The following SH3BP4 variants were observed in gnomAD, a reference collection of about 807,000 sequenced individuals.
SH3BP4 encodes SH3 domain binding protein 4.
A neutral mutation model predicts 65.5 loss-of-function variants in SH3BP4; 33 were observed. The observed-to-expected ratio is 0.50, with a 90% CI of 0.38 to 0.67. The LOEUF (loss-of-function observed/expected upper bound fraction) is 0.67. Ranked by LOEUF, SH3BP4 falls within the 30% of genes least tolerant of loss-of-function variation. The pLI, the probability that SH3BP4 is intolerant of heterozygous loss-of-function variation, is 0.00. For synonymous variants in SH3BP4, 552 were observed against 545.5 expected (o/e 1.01, Z -0.17); for missense variants, 1,134 against 1,261.4 (o/e 0.90, Z 1.53).
chr2:235,052,785 C>T lies in SH3BP4; in HGVS notation c.2667+35C>T, dbSNP rs755481646. The T allele has an allele frequency of 1.3e-6, 2 of 1,532,192 alleles. No individual in the cohort carries two copies. Among genetic ancestry groups the T allele is most frequent in the Admixed American group, 2.0e-5 (1 of 50,204 alleles). 94.9% of individuals were successfully genotyped at this position (1,532,192 alleles called of 1,614,324 possible). On this transcript the variant is annotated intron_variant, in intron 5 of 5. Transcript: ENST00000392011. The surrounding 1 kb of genome is among the most constrained non-coding windows in gnomAD (Gnocchi z 5.0). ...GGCTGAGCTTCGAGCTCACCGAGCC[C>T]CTCTGTCCCTGGGTTCCGTGGACCC...
In SH3BP4 at chr2:234,967,113, A is replaced by T. The variant is rs529456790; in HGVS notation, c.-207+14943A>T. Among the ~76,000 whole-genome samples the T allele has an allele frequency of 6.6e-6, 1 of 152,280 alleles. No homozygotes were observed. Among genetic ancestry groups the T allele is most frequent in the South Asian group, 2.1e-4 (1 of 4,822 alleles). On this transcript the variant is annotated intron_variant, in intron 1 of 5. Transcript: ENST00000392011. This position sits in a 1 kb window ranked among gnomAD's most constrained non-coding sequence, Gnocchi z 4.6. ...TACTGTCTCTGTTTAACAGATCGGGAAACTGAGGAACCATGGGGTTTAGGG... is the reference window on the plus strand; with the variant it reads ...TACTGTCTCTGTTTAACAGATCGGGTAACTGAGGAACCATGGGGTTTAGGG...
At chr2:235,027,865 T>C (rs1695051921) in intron 2 of SH3BP4, among the ~76,000 whole-genome samples, 1 of 152,192 alleles carries the variant, frequency 6.6e-6, no homozygotes, top group Non-Finnish European at 1.5e-5. Flanking sequence ...GGTTGGTTTT[T>C]CTGGATTGGT....
rs1695006268 is a variant in SH3BP4, at chr2:235,026,492, AG to A, written c.-132-8377del. Among the ~76,000 whole-genome samples, 1 of 152,094 alleles carries A rather than the reference AG, an allele frequency of 6.6e-6. No homozygotes were observed. Among genetic ancestry groups the A allele is most frequent in the Non-Finnish European group, 1.5e-5 (1 of 68,020 alleles). ...AGAACCTTAGCGCTCCTTCCCCTCC[AG>A]GTCTTCCATTCTTTTGTTGATTTGT... On this transcript the variant is annotated intron_variant, in intron 2 of 5. Transcript: ENST00000392011. The surrounding 1 kb of genome is among the most constrained non-coding windows in gnomAD (Gnocchi z 4.6).
chr2:234,985,193 TCTA>T (rs1231134014), intron 1 of SH3BP4, among the ~76,000 whole-genome samples: 1 of 152,090 alleles, frequency 6.6e-6, no homozygotes, highest in Non-Finnish European at 1.5e-5. Context: ...TGTACAAAGA[TCTA>T]CTATAGCTGG....
intron 1 of SH3BP4, among the ~76,000 whole-genome samples, chr2:234,984,389 T>C (rs1483147764): frequency 6.6e-6 from 1 of 151,738 alleles, no homozygotes; most frequent in Non-Finnish European, 1.5e-5. Context: ...TTTAACTTTT[T>C]GTAGAGACGA....
chr2:235,021,625 A>T (rs867791178), intron 2 of SH3BP4, among the ~76,000 whole-genome samples: 2 of 152,084 alleles, frequency 1.3e-5, no homozygotes, highest in African/African-American at 4.8e-5. Context: ...TCTCCAAAAA[A>T]AAAAAAAAAA....
intron 1 of SH3BP4, among the ~76,000 whole-genome samples, chr2:234,965,066 T>C (rs992432554): frequency 5.9e-5 from 9 of 152,210 alleles, no homozygotes; most frequent in African/African-American, 1.9e-4. Flanking sequence ...AAATTGTCTC[T>C]GATTAATCAC....
chr2:235,053,330 T>G (rs1696122148), intron 5 of SH3BP4, among the ~76,000 whole-genome samples: 1 of 152,160 alleles, frequency 6.6e-6, no homozygotes, highest in South Asian at 2.1e-4. Context: ...CCATAAAGAT[T>G]GTAAGGAAAG....
intron 1 of SH3BP4, among the ~76,000 whole-genome samples, chr2:234,986,779 T>C (rs1008699724): frequency 6.6e-6 from 1 of 151,876 alleles, no homozygotes; most frequent in African/African-American, 2.4e-5. Context: ...AAGTATGTTA[T>C]CAACTAGGAT....
rs193012281 is a variant in SH3BP4, at chr2:235,034,562, A to G, written c.-132-309A>G. On this transcript the variant is annotated intron_variant, in intron 2 of 5. Transcript: ENST00000392011. This position sits in a 1 kb window ranked among gnomAD's most constrained non-coding sequence, Gnocchi z 6.2. ...CTGTCCTCCTCTTTGACTGTAATGAATGGACTGGCCAGGTGCTGGAGCACA... is the reference window on the plus strand; with the variant it reads ...CTGTCCTCCTCTTTGACTGTAATGAGTGGACTGGCCAGGTGCTGGAGCACA... Among the ~76,000 whole-genome samples the G allele has an allele frequency of 1.4e-4, 21 of 152,314 alleles. 1 individual carries two copies. The East Asian group carries it at 3.7e-3, about 27-fold the overall frequency.
At chr2:234,988,031 C>T (rs183298764) in intron 1 of SH3BP4, among the ~76,000 whole-genome samples, 1 of 152,130 alleles carries the variant, frequency 6.6e-6, no homozygotes, top group African/African-American at 2.4e-5. Context: ...GCATTTTCCT[C>T]AGGTGTTTAA....
At chr2:235,029,159 G>C (rs560164317) in intron 2 of SH3BP4, among the ~76,000 whole-genome samples, 15 of 152,326 alleles carry the variant, frequency 9.8e-5, no homozygotes, top group African/African-American at 3.6e-4. Flanking sequence ...GTGCTGGGGA[G>C]AGGTCAGCCA....
chr2:235,022,055 C>A (rs891196753), intron 2 of SH3BP4, among the ~76,000 whole-genome samples: 1 of 152,064 alleles, frequency 6.6e-6, no homozygotes, highest in African/African-American at 2.4e-5. Flanking sequence ...AATTTGTCAT[C>A]AAGGGAGGCC....
At chr2:234,957,926 G>A (rs1030532972) in intron 1 of SH3BP4, among the ~76,000 whole-genome samples, 2 of 152,118 alleles carry the variant, frequency 1.3e-5, no homozygotes, top group African/African-American at 4.8e-5. Flanking sequence ...AGAGGCAGGC[G>A]GAGCCCATCT....
intron 3 of SH3BP4, among the ~76,000 whole-genome samples, chr2:235,037,683 A>G (rs1695429946): frequency 6.6e-6 from 1 of 152,140 alleles, no homozygotes; most frequent in Non-Finnish European, 1.5e-5. Context: ...TTTAGTTTTC[A>G]TCTTTATGTG....
At chr2:235,019,546 C>T (rs1051343517) in intron 2 of SH3BP4, among the ~76,000 whole-genome samples, 1 of 151,452 alleles carries the variant, frequency 6.6e-6, no homozygotes, top group Non-Finnish European at 1.5e-5. Context: ...AAGCGATTCT[C>T]CTGCCTCAGC....
Position 235,009,465 on chromosome 2 carries a change from C to T in SH3BP4, c.-133+14089C>T, listed in dbSNP as rs115325688. Among the ~76,000 whole-genome samples the T allele has an allele frequency of 8.4e-3, 1,281 of 152,242 alleles. 8 individuals are homozygous for T. The highest frequency in any genetic ancestry group is 0.012 in the Non-Finnish European group (798 of 68,010). On this transcript the variant is annotated intron_variant, in intron 2 of 5. Coordinates refer to ENST00000392011, the MANE Select transcript of SH3BP4 (RefSeq NM_014521.3). Reference sequence around the variant, plus strand: ...GCCTGGGACCCTGGAGGACGGAGCTCCTAGGTCATTGTGTCTAAGAGTGCT... The same window carrying T: ...GCCTGGGACCCTGGAGGACGGAGCTTCTAGGTCATTGTGTCTAAGAGTGCT...
rs181249900 is a variant in SH3BP4, at chr2:235,035,192, T to C, written c.118+72T>C. ...TTTTCAAGTTGGGATCCAAGAACTT[T>C]TCTGCTTTAAAGATTGCCAGTTTAG... On this transcript the variant is annotated intron_variant, in intron 3 of 5. Transcript: ENST00000392011. This position sits in a 1 kb window ranked among gnomAD's most constrained non-coding sequence, Gnocchi z 5.0. The C allele has an allele frequency of 2.6e-6, 3 of 1,147,060 alleles. No homozygotes were observed. The African/African-American group carries it at 4.6e-5, about 17-fold the overall frequency. The allele number at this position is 1,147,060 out of a possible 1,614,324, so 71.1% of individuals were successfully genotyped here. A position where few individuals can be genotyped will look rare whatever the true frequency, so the allele number is the denominator to read the frequency against.
intron 1 of SH3BP4, among the ~76,000 whole-genome samples, chr2:234,958,613 G>C (rs532454722): frequency 3.9e-5 from 6 of 152,154 alleles, no homozygotes; most frequent in African/African-American, 1.4e-4. Flanking sequence ...GGAAGGCTAA[G>C]GGGGAGCCAG....
Sources: allele counts gnomAD v4.1 joint callset (sites outside exome capture counted in the v4.1 genomes callset), GRCh38; gene constraint gnomAD v4.1.1; non-coding constraint Gnocchi (gnomAD v3.1); transcripts MANE v1.5; gene names NCBI Gene and HGNC (gene_info 2026-07-23, HGNC 2026-07-21).